Variants in LINGO1 observed in about 807,000 individuals in gnomAD.
LINGO1 encodes leucine-rich repeat and immunoglobulin-like domain-containing nogo receptor-interacting protein 1.
A neutral mutation model predicts 37.3 loss-of-function variants in LINGO1; 11 were observed. The ratio of observed to expected loss-of-function variants is 0.29; its 90% CI spans 0.19 to 0.49. The LOEUF (loss-of-function observed/expected upper bound fraction) is 0.49, where lower values mean the gene tolerates loss of function less well. LINGO1 is among the 20% of genes least tolerant of loss of function. The pLI is 0.99. For missense variants in LINGO1, 585 were observed against 878.2 expected (o/e 0.67, Z 4.22); for synonymous variants, 387 against 403.0 (o/e 0.96, Z 0.48).
chr15:77,654,729 T>C (rs2074831889), intron 3 of LINGO1, among the ~76,000 whole-genome samples: 1 of 151,270 alleles, frequency 6.6e-6, no homozygotes, highest in South Asian at 2.1e-4. Flanking sequence ...TGCCACTAGC[T>C]GGGTAATCTT....
chr15:77,615,282 C>T lies in LINGO1; in HGVS notation c.625G>A (p.Glu209Lys), dbSNP rs2073667585. 4 of 1,613,562 alleles carry T rather than the reference C, an allele frequency of 2.5e-6. No homozygotes were observed. Among genetic ancestry groups the T allele is most frequent in the Middle Eastern group, 1.6e-4 (1 of 6,082 alleles). The change falls in exon 2 of 2, where the codon GAG (glutamate) becomes AAG (lysine). Residue 209 changes from glutamate to lysine, a missense_variant. By Grantham distance (56) the Glu-to-Lys change is moderately conservative. Transcript: ENST00000355300. ...EKCNLTSIPT[E>K]ALSHLHGLIV... ...AGGCCGTGCAGGTGGGACAGCGCCT[C>T]GGTGGGGATGGAGGTCAGGTTGCAT...
At chr15:77,679,793 T>C (rs1250894405) in intron 2 of LINGO1, among the ~76,000 whole-genome samples, 1 of 152,152 alleles carries the variant, frequency 6.6e-6, no homozygotes, top group Non-Finnish European at 1.5e-5. Flanking sequence ...CTAGAATCCA[T>C]CCTCTTCTTC....
chr15:77,768,910 C>A (rs1161748291), intron 1 of LINGO1, among the ~76,000 whole-genome samples: 1 of 152,226 alleles, frequency 6.6e-6, no homozygotes, highest in African/African-American at 2.4e-5. Context: ...ACAGGTCCCC[C>A]TGCCTGGGGT....
chr15:77,724,282 G>A (rs566584827), intron 2 of LINGO1, among the ~76,000 whole-genome samples: 1 of 152,334 alleles, frequency 6.6e-6, no homozygotes, highest in African/African-American at 2.4e-5. Flanking sequence ...CAGCATCAGG[G>A]GCTTTTGAGG....
At chr15:77,627,055 A>G (rs2074116575) in intron 1 of LINGO1, among the ~76,000 whole-genome samples, 1 of 149,592 alleles carries the variant, frequency 6.7e-6, no homozygotes, top group African/African-American at 2.5e-5. Context: ...GGTTCTCTGC[A>G]GAGGGAAGTA....
At chr15:77,769,938 T>G (rs1221267969) in intron 1 of LINGO1, among the ~76,000 whole-genome samples, 1 of 151,966 alleles carries the variant, frequency 6.6e-6, no homozygotes, top group East Asian at 1.9e-4. Context: ...CTCAGTGTGG[T>G]TTTGTGACTT....
chr15:77,775,278 T>C (rs1448197323), intron 1 of LINGO1, among the ~76,000 whole-genome samples: 1 of 152,092 alleles, frequency 6.6e-6, no homozygotes, highest in Admixed American at 6.5e-5. Flanking sequence ...GAGATTCCCC[T>C]CCCTGGACCT....
intron 2 of LINGO1, among the ~76,000 whole-genome samples, chr15:77,679,121 G>A (rs552632452): frequency 7.9e-5 from 12 of 152,070 alleles, no homozygotes; most frequent in Non-Finnish European, 1.8e-4. Context: ...GGCTGGTCTC[G>A]AACTCCTCAC....
At chr15:77,776,504 G>GGGAGGAAGGCAGGAAGGCAGGAAA (rs2076648681) in intron 1 of LINGO1, among the ~76,000 whole-genome samples, 2 of 73,454 alleles carry the variant, frequency 2.7e-5, no homozygotes, top group African/African-American at 1.1e-4. Flanking sequence ...AAGGCAGGAA[G>GGGAGGAAGGCAGGAAGGCAGGAAA]GCAGGAAGGC....
At chr15:77,769,492 G>A (rs778951130) in intron 1 of LINGO1, among the ~76,000 whole-genome samples, 9 of 152,216 alleles carry the variant, frequency 5.9e-5, no homozygotes, top group Non-Finnish European at 1.2e-4. Flanking sequence ...GTCAGCCAGG[G>A]AGTGAGAAGG....
chr15:77,633,030 G>C (rs539609415), upstream of LINGO1, among the ~76,000 whole-genome samples: 1 of 151,756 alleles, frequency 6.6e-6, no homozygotes, highest in South Asian at 2.1e-4. Context: ...TGGTGGGGTG[G>C]GGGGTGGTTC....
intron 2 of LINGO1, among the ~76,000 whole-genome samples, chr15:77,716,279 TC>T (rs1422810161): frequency 8.5e-5 from 9 of 105,764 alleles, no homozygotes; most frequent in Non-Finnish European, 1.7e-4. Flanking sequence ...TTCTTCTTCT[TC>T]TTTTTTTTTT....
chr15:77,723,966 G>A (rs2076077185), intron 2 of LINGO1, among the ~76,000 whole-genome samples: 1 of 152,180 alleles, frequency 6.6e-6, no homozygotes, highest in Non-Finnish European at 1.5e-5. Flanking sequence ...TATATTTTTA[G>A]ATGGACTACT....
At chr15:77,638,123 C>T (rs1254301927), upstream of LINGO1, among the ~76,000 whole-genome samples, 1 of 152,262 alleles carries the variant, frequency 6.6e-6, no homozygotes, top group East Asian at 1.9e-4. Flanking sequence ...GAACTCAAGA[C>T]AGAAGCCCTG....
intron 3 of LINGO1, among the ~76,000 whole-genome samples, chr15:77,652,483 A>AGT (rs773433884): frequency 0.16 from 21,163 of 128,654 alleles, 1,789 homozygotes; most frequent in Middle Eastern, 0.3. Context: ...GGGGAGGGAG[A>AGT]GTGTGTGTGT....
chr15:77,775,948 A>G (rs1479424550), intron 1 of LINGO1, among the ~76,000 whole-genome samples: 3 of 151,784 alleles, frequency 2.0e-5, no homozygotes, highest in Non-Finnish European at 2.9e-5. Context: ...GCACAACCTG[A>G]TGTCTCTGAG....
intron 1 of LINGO1, among the ~76,000 whole-genome samples, chr15:77,620,637 C>A (rs1468227070): frequency 1.3e-5 from 2 of 152,258 alleles, no homozygotes; most frequent in Non-Finnish European, 1.5e-5. Flanking sequence ...CAGAAACTAG[C>A]CTTTTTCCAG....
chr15:77,639,869 G>A (rs2074466247), intron 3 of LINGO1, among the ~76,000 whole-genome samples: 2 of 152,284 alleles, frequency 1.3e-5, no homozygotes, highest in Admixed American at 1.3e-4. Context: ...AGAGAGAAGG[G>A]GAGGTGGCAG....
chr15:77,762,298 A>T (rs145496232), intron 1 of LINGO1, among the ~76,000 whole-genome samples: 1 of 152,354 alleles, frequency 6.6e-6, no homozygotes, highest in East Asian at 1.9e-4. Context: ...GGTACACACC[A>T]AGCACATGTG....
Sources: allele counts gnomAD v4.1 joint callset (sites outside exome capture counted in the v4.1 genomes callset), GRCh38; gene constraint gnomAD v4.1.1; transcripts MANE v1.5; gene names NCBI Gene and HGNC (gene_info 2026-07-23, HGNC 2026-07-21).